MAP4: variants seen among roughly 807,000 people sequenced by gnomAD.
MAP4 encodes the protein microtubule-associated protein 4.
MAP4 carries 76 observed loss-of-function variants against 170.2 expected under a neutral mutation model. That is an observed-to-expected ratio of 0.45 (90% confidence interval 0.37 to 0.54). The LOEUF is 0.54. MAP4 is among the 20% of genes least tolerant of loss of function. The pLI, the probability that MAP4 is intolerant of heterozygous loss-of-function variation, is 0.00. For synonymous variants in MAP4, 909 were observed against 994.5 expected (o/e 0.91, Z 1.62); for missense variants, 2,506 against 2,748.0 (o/e 0.91, Z 1.97).
chr3:48,010,403 C>CT (rs2100104630), intron 1 of MAP4, among the ~76,000 whole-genome samples: 1 of 152,176 alleles, frequency 6.6e-6, no homozygotes, highest in African/African-American at 2.4e-5. Context: ...TTTCCTTTTC[C>CT]TTTATCATGT....
chr3:47,902,848 TTC>T (rs2100030881), intron 10 of MAP4, 100 bp downstream of exon 10: 1 of 383,416 alleles, frequency 2.6e-6, no homozygotes, highest in Admixed American at 6.4e-5. Flanking sequence ...AAATGGTTTT[TTC>T]ATCTGCTGAG....
intron 4 of MAP4, among the ~76,000 whole-genome samples, chr3:47,926,543 A>C (rs777508638): frequency 6.6e-6 from 1 of 151,996 alleles, no homozygotes; most frequent in Non-Finnish European, 1.5e-5. Context: ...GTCTGTCTAC[A>C]CATCTATCAG....
intron 3 of MAP4, chr3:47,974,263 TA>T: frequency 5.4e-6 from 2 of 368,570 alleles, no homozygotes; most frequent in Non-Finnish European, 7.5e-6. Context: ...CCGTCTCTAC[TA>T]AAAATACAAA....
At chr3:48,046,462 C>A (rs1207379383) in intron 1 of MAP4, among the ~76,000 whole-genome samples, 3 of 152,196 alleles carry the variant, frequency 2.0e-5, no homozygotes, top group African/African-American at 7.2e-5. Context: ...CATAAAGCAA[C>A]AACTCCCTGT....
chr3:47,993,649 T>C (rs549636444), intron 2 of MAP4, among the ~76,000 whole-genome samples: 9 of 152,312 alleles, frequency 5.9e-5, no homozygotes, highest in African/African-American at 1.4e-4. Flanking sequence ...CTTTGAAGAA[T>C]TGTAACAGGA....
At chr3:48,036,086 A>T (rs1329361514) in intron 1 of MAP4, among the ~76,000 whole-genome samples, 2 of 152,300 alleles carry the variant, frequency 1.3e-5, no homozygotes, top group East Asian at 3.9e-4. Flanking sequence ...GGGCACTTAG[A>T]GGTTAAATAA....
chr3:47,906,509 C>A (rs1339714146), intron 9 of MAP4, among the ~76,000 whole-genome samples: 1 of 151,802 alleles, frequency 6.6e-6, no homozygotes, highest in Non-Finnish European at 1.5e-5. Flanking sequence ...CATGGAGAAA[C>A]CCCGTCTCTA....
chr3:47,917,562 G>A (rs574346209), intron 6 of MAP4, among the ~76,000 whole-genome samples: 1 of 150,086 alleles, frequency 6.7e-6, no homozygotes, highest in East Asian at 1.9e-4. Flanking sequence ...CTCCAGCCTG[G>A]GGGACAGGGC....
intron 1 of MAP4, among the ~76,000 whole-genome samples, chr3:48,032,218 G>A (rs372812687): frequency 1.3e-5 from 2 of 152,108 alleles, no homozygotes; most frequent in African/African-American, 4.8e-5. Flanking sequence ...AGGTATTTAG[G>A]TAAAAATTAA....
At chr3:47,859,698 T>C (rs937383809) in intron 17 of MAP4, among the ~76,000 whole-genome samples, 1 of 152,232 alleles carries the variant, frequency 6.6e-6, no homozygotes, top group Non-Finnish European at 1.5e-5. Context: ...GATAATTACA[T>C]ACAGAGTAGT....
At chr3:47,913,736 T>C (rs371866668) in intron 8 of MAP4, among the ~76,000 whole-genome samples, 8 of 152,190 alleles carry the variant, frequency 5.3e-5, no homozygotes. Flanking sequence ...TCTAGTCTTG[T>C]GCTAGGTAGT....
At chr3:48,080,385 G>T (rs1285634451) in intron 1 of MAP4, among the ~76,000 whole-genome samples, 2 of 152,146 alleles carry the variant, frequency 1.3e-5, no homozygotes, top group Non-Finnish European at 2.9e-5. Context: ...TCCAGAAAAA[G>T]AATTGTTTTT....
chr3:47,860,488 C>T (rs746312298), intron 17 of MAP4, among the ~76,000 whole-genome samples: 8 of 152,216 alleles, frequency 5.3e-5, no homozygotes, highest in African/African-American at 1.2e-4. Context: ...GCCACTGCAT[C>T]GGCCAGGGCC....
chr3:48,003,203 C>T (rs1242017235), intron 1 of MAP4, among the ~76,000 whole-genome samples: 2 of 151,834 alleles, frequency 1.3e-5, no homozygotes, highest in East Asian at 3.9e-4. Context: ...ACCTGTAATC[C>T]CAGCACTTTG....
intron 3 of MAP4, among the ~76,000 whole-genome samples, chr3:47,943,320 T>C (rs2100057683): frequency 6.6e-6 from 1 of 152,156 alleles, no homozygotes; most frequent in Non-Finnish European, 1.5e-5. Flanking sequence ...TGATTTAAAA[T>C]AATATTTTAG....
intron 1 of MAP4, among the ~76,000 whole-genome samples, chr3:48,088,522 C>T (rs145395042): frequency 0.036 from 5,496 of 151,226 alleles, 343 homozygotes; most frequent in African/African-American, 0.13. Context: ...AAAAGCTGGA[C>T]CTCTCAGCCC....
At position 47,875,744 on chromosome 3, in the gene MAP4, G is replaced by A. The variant is rs368502026; in HGVS notation, c.5698C>T (p.Arg1900Cys). Residue 1900 changes from arginine (R) to cysteine (C), a missense_variant, in exon 12 of 21, where the codon CGC becomes TGC. By Grantham distance (180) the Arg-to-Cys change is radical. Transcript: ENST00000683076. ...GGCCTGGCAGAGGCGACGGCAGGGC[G>A]TTTGGGTGGGGCAGCTGGCACTAAG... ...SGLVPAAPPKRPAVASARPSI... is the reference protein window; with the variant it reads ...SGLVPAAPPKCPAVASARPSI... The A allele has an allele frequency of 1.9e-5, 31 of 1,613,778 alleles. No individual in the cohort carries two copies. Among genetic ancestry groups the A allele is most frequent in the African/African-American group, 6.7e-5 (5 of 74,896 alleles).
chr3:47,866,742 A>G (rs1231962629), intron 17 of MAP4, among the ~76,000 whole-genome samples: 1 of 152,196 alleles, frequency 6.6e-6, no homozygotes, highest in Non-Finnish European at 1.5e-5. Flanking sequence ...CAACAAAGTG[A>G]GACTTCATCT....
intron 1 of MAP4, among the ~76,000 whole-genome samples, chr3:48,006,184 C>A (rs534166131): frequency 1.5e-3 from 230 of 152,246 alleles, no homozygotes; most frequent in Non-Finnish European, 2.6e-3. Flanking sequence ...CAGACTTCAG[C>A]CAGTTTACAG....
Sources: gnomAD v4.1 joint callset for allele counts (sites outside exome capture counted in the v4.1 genomes callset) on GRCh38, gnomAD v4.1.1 for gene constraint, MANE v1.5 for transcripts, NCBI Gene and HGNC (gene_info 2026-07-23, HGNC 2026-07-21) for gene names.